FGF14: variants seen among roughly 807,000 people sequenced by gnomAD.
FGF14 encodes the protein fibroblast growth factor 14.
FGF14 carries 5 observed loss-of-function variants against 25.5 expected under a neutral mutation model. The ratio of observed to expected loss-of-function variants is 0.20; its 90% CI spans 0.10 to 0.41. The LOEUF (loss-of-function observed/expected upper bound fraction) is 0.41, where lower values mean the gene tolerates loss of function less well. FGF14 is among the 10% of genes least tolerant of loss of function. The pLI is 1.00. For missense variants in FGF14, 222 were observed against 320.1 expected, an observed-to-expected ratio of 0.69 and a Z score of 2.34; for synonymous variants, 138 against 118.3, an observed-to-expected ratio of 1.17 and a Z score of -1.08.
In FGF14 at chr13:101,916,938, G is replaced by A. The variant is rs1468595373; in HGVS notation, c.-293C>T. Among the ~76,000 whole-genome samples the A allele has an allele frequency of 6.6e-6, 1 of 151,950 alleles. No homozygotes were observed. The highest frequency in any genetic ancestry group is 1.9e-4 in the East Asian group (1 of 5,160). ...CCACGTCCGAGTGGAGAGCGGGACCGCGGCTGCGGGCGCTGCTGGTCACCG... is the reference window on the plus strand; with the variant it reads ...CCACGTCCGAGTGGAGAGCGGGACCACGGCTGCGGGCGCTGCTGGTCACCG... On this transcript the variant is annotated 5_prime_UTR_variant, in exon 1 of 5. Transcript: ENST00000376143.
intron 1 of FGF14, among the ~76,000 whole-genome samples, chr13:102,132,647 G>T (rs1389404213): frequency 2.6e-5 from 4 of 151,818 alleles, no homozygotes; most frequent in Non-Finnish European, 4.4e-5. Context: ...CTCTCAAGTA[G>T]CTGGGACTAT....
intron 1 of FGF14, among the ~76,000 whole-genome samples, chr13:102,332,683 C>T (rs539135313): frequency 4.8e-4 from 73 of 152,238 alleles, no homozygotes; most frequent in African/African-American, 1.7e-3. Flanking sequence ...CCTGTCTCCT[C>T]TCAAGTGCTG....
At chr13:101,858,850 A>C (rs1302074421) in intron 3 of FGF14, among the ~76,000 whole-genome samples, 1 of 152,214 alleles carries the variant, frequency 6.6e-6, no homozygotes, top group South Asian at 2.1e-4. Flanking sequence ...TTGCTTTAAA[A>C]CGTTCAAGTT....
At chr13:102,231,103 G>A (rs1400440345) in intron 1 of FGF14, among the ~76,000 whole-genome samples, 2 of 152,070 alleles carry the variant, frequency 1.3e-5, no homozygotes, top group African/African-American at 2.4e-5. Flanking sequence ...CTGTCAATCT[G>A]GTGAGCCAAG....
At chr13:102,257,828 T>C (rs1258138868) in intron 1 of FGF14, among the ~76,000 whole-genome samples, 1 of 152,182 alleles carries the variant, frequency 6.6e-6, no homozygotes, top group Non-Finnish European at 1.5e-5. Context: ...ACCTTCAGTC[T>C]TCTCCTTTCT....
intron 3 of FGF14, among the ~76,000 whole-genome samples, chr13:101,836,940 C>G (rs2042953125): frequency 6.6e-6 from 1 of 151,984 alleles, no homozygotes; most frequent in South Asian, 2.1e-4. Flanking sequence ...AATTCACCCA[C>G]AATTTTTTAA....
chr13:102,370,737 A>T (rs1346325447), intron 1 of FGF14, among the ~76,000 whole-genome samples: 2 of 152,204 alleles, frequency 1.3e-5, no homozygotes, highest in African/African-American at 4.8e-5. Context: ...TGTCAAAATA[A>T]TAATGAAGTA....
At chr13:102,288,738 C>T (rs2141251068) in intron 1 of FGF14, among the ~76,000 whole-genome samples, 1 of 152,194 alleles carries the variant, frequency 6.6e-6, no homozygotes, top group Admixed American at 6.5e-5. Context: ...GCGCCTGCCA[C>T]AATGTACAGC....
rs546855093 is a variant in FGF14 at position 102,246,894 on chromosome 13, A to G, written c.208+154577T>C. 2.6e-5 allele frequency among the ~76,000 whole-genome samples: 4 copies of G among 152,170 alleles called. No individual in the cohort carries two copies. In the East Asian group the frequency reaches 7.7e-4, roughly 29 times the overall value. ...ATGGTACTAGTACAAAAACAGACAC[A>G]TAGACCAATGGAATGGAATACAGAG... On this transcript the variant is annotated intron_variant, in intron 1 of 4. Coordinates refer to the FGF14 transcript ENST00000376131.
chr13:102,276,146 A>T (rs2053527287), intron 1 of FGF14, among the ~76,000 whole-genome samples: 1 of 151,602 alleles, frequency 6.6e-6, no homozygotes, highest in Non-Finnish European at 1.5e-5. Flanking sequence ...TTAAGTAGAG[A>T]CTCAAAGTTG....
At chr13:101,829,652 G>A (rs1374055208) in intron 3 of FGF14, among the ~76,000 whole-genome samples, 1 of 152,000 alleles carries the variant, frequency 6.6e-6, no homozygotes, top group Non-Finnish European at 1.5e-5. Flanking sequence ...ATGACCCAGG[G>A]CTAAAGTAAA....
At chr13:102,336,843 A>G (rs2138871426) in intron 1 of FGF14, among the ~76,000 whole-genome samples, 1 of 152,366 alleles carries the variant, frequency 6.6e-6, no homozygotes, top group African/African-American at 2.4e-5. Context: ...TAAATAGAAC[A>G]ATAAAGCCTG....
At chr13:102,293,525 G>C (rs555454304) in intron 1 of FGF14, 1 of 152,206 alleles carries the variant, frequency 6.6e-6, no homozygotes, top group African/African-American at 2.4e-5. Flanking sequence ...TGACAGTATT[G>C]CTTATTTCCA....
At chr13:102,150,763 C>T (rs1202552925) in intron 1 of FGF14, among the ~76,000 whole-genome samples, 1 of 152,120 alleles carries the variant, frequency 6.6e-6, no homozygotes, top group Non-Finnish European at 1.5e-5. Flanking sequence ...GAATATTTGG[C>T]AATCTGGAGA....
At chr13:102,377,812 A>T (rs1026575295) in intron 1 of FGF14, among the ~76,000 whole-genome samples, 3 of 152,240 alleles carry the variant, frequency 2.0e-5, no homozygotes, top group Admixed American at 6.5e-5. Flanking sequence ...CTGTCTCAAC[A>T]ACAACAAAAA....
At chr13:101,869,925 T>A (rs965640865) in intron 2 of FGF14, among the ~76,000 whole-genome samples, 3 of 152,160 alleles carry the variant, frequency 2.0e-5, no homozygotes, top group Non-Finnish European at 2.9e-5. Flanking sequence ...TCCTAATAGG[T>A]TGAAGAAAAT....
rs189108471 is a variant in FGF14, at chr13:102,013,045, C to T, written c.209-137749G>A. 3.9e-5 allele frequency among the ~76,000 whole-genome samples: 6 copies of T among 152,172 alleles called. No homozygotes were observed. In the East Asian group the frequency reaches 1.2e-3, roughly 30 times the overall value. ...ACACAGAATCATGTAGTCCCAGCTACTCGAGAGGTTGAGGCAGAAAGATTG... is the reference window on the plus strand; with the variant it reads ...ACACAGAATCATGTAGTCCCAGCTATTCGAGAGGTTGAGGCAGAAAGATTG... On this transcript the variant is annotated intron_variant, in intron 1 of 4. Transcript: ENST00000376131.
chr13:102,171,801 C>G (rs906698623), intron 1 of FGF14, among the ~76,000 whole-genome samples: 1 of 151,712 alleles, frequency 6.6e-6, no homozygotes, highest in Non-Finnish European at 1.5e-5. Context: ...AGAAACACTA[C>G]AAGATACCAA....
At chr13:101,912,513 C>T (rs2139088554) in intron 1 of FGF14, among the ~76,000 whole-genome samples, 1 of 152,294 alleles carries the variant, frequency 6.6e-6, no homozygotes, top group South Asian at 2.1e-4. Context: ...TCAGTGGCTA[C>T]TTTAGTTTTC....
Sources: allele counts gnomAD v4.1 joint callset (sites outside exome capture counted in the v4.1 genomes callset), GRCh38; gene constraint gnomAD v4.1.1; transcripts MANE v1.5; gene names NCBI Gene and HGNC (gene_info 2026-07-23, HGNC 2026-07-21).